DEUP1: variants seen among roughly 807,000 people sequenced by gnomAD.
DEUP1 encodes the protein coiled-coil domain containing 67.
A neutral mutation model predicts 87.4 loss-of-function variants in DEUP1; 82 were observed. The ratio of observed to expected loss-of-function variants is 0.94; its 90% CI spans 0.78 to 1.13. The LOEUF is 1.13. DEUP1 is among the 50% of genes most tolerant of loss of function. The pLI is 0.00. For missense variants in DEUP1, 663 were observed against 681.5 expected (o/e 0.97, Z 0.30); for synonymous variants, 214 against 222.7 (o/e 0.96, Z 0.35).
At chr11:93,356,021 G>T (rs1222821455) in intron 3 of DEUP1, among the ~76,000 whole-genome samples, 1 of 152,158 alleles carries the variant, frequency 6.6e-6, no homozygotes, top group Non-Finnish European at 1.5e-5. Flanking sequence ...ACCCACTTAA[G>T]AGGAGTTCCC....
intron 2 of DEUP1, among the ~76,000 whole-genome samples, chr11:93,354,874 T>G (rs1319477893): frequency 6.6e-6 from 1 of 152,130 alleles, no homozygotes; most frequent in Non-Finnish European, 1.5e-5. Context: ...CCTGATCCAA[T>G]TCCTTAGAAA....
At chr11:93,414,271 T>C (rs192143959) in intron 12 of DEUP1, among the ~76,000 whole-genome samples, 212 of 152,268 alleles carry the variant, frequency 1.4e-3, no homozygotes, top group African/African-American at 4.9e-3. Context: ...CCCAGCACTT[T>C]GGGAGGCCAA....
intron 4 of DEUP1, among the ~76,000 whole-genome samples, chr11:93,361,223 C>T (rs1363145370): frequency 3.3e-5 from 5 of 151,890 alleles, no homozygotes; most frequent in Non-Finnish European, 5.9e-5. Context: ...CATTCTCAAA[C>T]GAAGGAAAAC....
At chr11:93,435,425 A>C (rs530090881) in intron 13 of DEUP1, among the ~76,000 whole-genome samples, 1 of 152,318 alleles carries the variant, frequency 6.6e-6, no homozygotes, top group East Asian at 1.9e-4. Context: ...CACTTGCTGG[A>C]GTCTCAACCA....
chr11:93,392,562 A>C (rs1047645597), intron 9 of DEUP1, among the ~76,000 whole-genome samples: 9 of 152,182 alleles, frequency 5.9e-5, no homozygotes, highest in African/African-American at 2.2e-4. Flanking sequence ...CTTAAACAAC[A>C]TTTATTATAT....
At chr11:93,392,608 T>C (rs1377448943) in intron 9 of DEUP1, among the ~76,000 whole-genome samples, 1 of 152,152 alleles carries the variant, frequency 6.6e-6, no homozygotes, top group Non-Finnish European at 1.5e-5. Context: ...ACTGCCTAGA[T>C]ACTTGATGAT....
chr11:93,358,421 T>A (rs1288938250), intron 4 of DEUP1, among the ~76,000 whole-genome samples: 2 of 152,192 alleles, frequency 1.3e-5, no homozygotes, highest in African/African-American at 2.4e-5. Context: ...GGAAATGCTG[T>A]TTAAGCTAAT....
At chr11:93,379,648 A>T (rs945867443) in intron 7 of DEUP1, among the ~76,000 whole-genome samples, 9 of 152,084 alleles carry the variant, frequency 5.9e-5, no homozygotes, top group South Asian at 4.1e-4. Flanking sequence ...TCATTTACTG[A>T]TATTATTTAA....
chr11:93,367,200 C>A (rs1945465562), intron 5 of DEUP1, among the ~76,000 whole-genome samples: 1 of 152,134 alleles, frequency 6.6e-6, no homozygotes, highest in Admixed American at 6.5e-5. Context: ...ACCCACCTTT[C>A]ATTAAAGTAA....
intron 2 of DEUP1, among the ~76,000 whole-genome samples, chr11:93,348,881 G>GTA (rs1030509406): frequency 3.3e-5 from 5 of 152,054 alleles, no homozygotes; most frequent in African/African-American, 1.2e-4. Flanking sequence ...ATCTGATGAT[G>GTA]TATATATATA....
intron 9 of DEUP1, among the ~76,000 whole-genome samples, chr11:93,393,833 C>G (rs1237510027): frequency 6.6e-6 from 1 of 152,074 alleles, no homozygotes; most frequent in Non-Finnish European, 1.5e-5. Context: ...ATTGCCTGAC[C>G]AGGTTTGGGA....
At chr11:93,350,019 G>GT (rs963568546) in intron 2 of DEUP1, among the ~76,000 whole-genome samples, 3 of 152,190 alleles carry the variant, frequency 2.0e-5, no homozygotes, top group African/African-American at 7.2e-5. Context: ...CTAGGGGATT[G>GT]TTTTGAGGAG....
intron 9 of DEUP1, among the ~76,000 whole-genome samples, chr11:93,389,434 CG>C (rs558994993): frequency 4.5e-4 from 68 of 152,268 alleles, no homozygotes; most frequent in South Asian, 1.0e-3. Context: ...CAACCACACA[CG>C]TAAGCTTGGA....
chr11:93,434,971 AGTGCTGT>A (rs1251023185), intron 13 of DEUP1, among the ~76,000 whole-genome samples: 3 of 152,164 alleles, frequency 2.0e-5, no homozygotes, highest in Non-Finnish European at 4.4e-5. Context: ...TCCTCTGGAT[AGTGCTGT>A]GTGTGGTTAG....
intron 7 of DEUP1, among the ~76,000 whole-genome samples, chr11:93,373,486 C>G (rs931751984): frequency 1.3e-5 from 2 of 151,378 alleles, no homozygotes; most frequent in African/African-American, 4.9e-5. Context: ...TCCTGAGTTA[C>G]TTCACTTAGA....
rs1175084517 is a variant in DEUP1 at position 93,394,628 on chromosome 11, T to C, written c.1211T>C (p.Ile404Thr). Residue 404 changes from isoleucine (I) to threonine (T), a missense_variant, in exon 10 of 14, where the codon ATA becomes ACA. Transcript: ENST00000298050. Reference sequence around the variant, plus strand: ...AAACAGTTAAAAATGGAATTAGAAATAAAAGAAAAAATGTTAGCAAAACAA... The same window carrying C: ...AAACAGTTAAAAATGGAATTAGAAACAAAAGAAAAAATGTTAGCAAAACAA... ...LEKQLKMELE[I>T]KEKMLAKQKV... 1.2e-6 allele frequency: 2 copies of C among 1,610,378 alleles called. No individual in the cohort carries two copies. The highest frequency in any genetic ancestry group is 3.4e-5 in the Admixed American group (2 of 59,232).
intron 7 of DEUP1, among the ~76,000 whole-genome samples, chr11:93,377,951 A>G (rs1335299481): frequency 6.6e-6 from 1 of 152,054 alleles, no homozygotes; most frequent in Admixed American, 6.5e-5. Flanking sequence ...TTCAGCTTGT[A>G]GGATTTCTGC....
intron 12 of DEUP1, among the ~76,000 whole-genome samples, chr11:93,408,896 G>A (rs2259630): frequency 0.46 from 69,730 of 151,782 alleles, 16,598 homozygotes; most frequent in Admixed American, 0.61. Flanking sequence ...TCGCTCTGTC[G>A]CCCAGGCTGG....
intron 9 of DEUP1, among the ~76,000 whole-genome samples, chr11:93,390,049 GT>G (rs1409934562): frequency 1.3e-5 from 2 of 152,138 alleles, no homozygotes; most frequent in Non-Finnish European, 2.9e-5. Flanking sequence ...CCTTCTTTCT[GT>G]GAATTTATCA....
Sources: allele counts gnomAD v4.1 joint callset (sites outside exome capture counted in the v4.1 genomes callset), GRCh38; gene constraint gnomAD v4.1.1; transcripts MANE v1.5; gene names NCBI Gene and HGNC (gene_info 2026-07-23, HGNC 2026-07-21).